The following KCND2 variants were observed in gnomAD, a reference collection of about 807,000 sequenced individuals.
KCND2 encodes the protein A-type voltage-gated potassium channel KCND2.
KCND2 carries 16 observed loss-of-function variants against 54.4 expected under a neutral mutation model. The ratio of observed to expected loss-of-function variants is 0.29; its 90% CI spans 0.20 to 0.45. The LOEUF is 0.45. KCND2 is among the 20% of genes least tolerant of loss of function. The pLI, the probability that KCND2 is intolerant of heterozygous loss-of-function variation, is 1.00. For missense variants in KCND2, 486 were observed against 824.2 expected, an observed-to-expected ratio of 0.59 and a Z score of 5.02; for synonymous variants, 317 against 310.7, an observed-to-expected ratio of 1.02 and a Z score of -0.21.
At chr7:120,367,538 A>T (rs943808078) in intron 1 of KCND2, among the ~76,000 whole-genome samples, 6 of 151,604 alleles carry the variant, frequency 4.0e-5, no homozygotes. Context: ...GAGTGCCTCT[A>T]TGGGAAATTT....
chr7:120,608,470 C>A (rs979336090), intron 1 of KCND2, among the ~76,000 whole-genome samples: 1 of 152,104 alleles, frequency 6.6e-6, no homozygotes, highest in Non-Finnish European at 1.5e-5. Flanking sequence ...TTGGTTATGG[C>A]ACCTTCTTCC....
chr7:120,479,469 A>C (rs540182884), intron 1 of KCND2, among the ~76,000 whole-genome samples: 1 of 152,018 alleles, frequency 6.6e-6, no homozygotes, highest in Middle Eastern at 3.4e-3. Context: ...ATGTTTATAA[A>C]ATTTCAGCTT....
chr7:120,668,939 T>A (rs1044657562), intron 1 of KCND2, among the ~76,000 whole-genome samples: 1 of 152,062 alleles, frequency 6.6e-6, no homozygotes, highest in African/African-American at 2.4e-5. Flanking sequence ...CTTTAAAAAA[T>A]GTTTTACAGA....
intron 1 of KCND2, among the ~76,000 whole-genome samples, chr7:120,723,709 A>G (rs2116113063): frequency 6.6e-6 from 1 of 152,270 alleles, no homozygotes; most frequent in Non-Finnish European, 1.5e-5. Flanking sequence ...AGTCTGGGCA[A>G]CATAGTGAGA....
At chr7:120,346,055 T>G (rs1584740173) in intron 1 of KCND2, among the ~76,000 whole-genome samples, 1 of 152,174 alleles carries the variant, frequency 6.6e-6, no homozygotes, top group Admixed American at 6.5e-5. Flanking sequence ...TAAGATGATA[T>G]CTCATTATGG....
intron 1 of KCND2, among the ~76,000 whole-genome samples, chr7:120,722,369 T>C (rs145270648): frequency 3.0e-4 from 45 of 152,212 alleles, no homozygotes; most frequent in African/African-American, 1.1e-3. Context: ...ACAGGAGTAA[T>C]ATGGGCATGG....
chr7:120,520,212 A>T (rs1304045648), intron 1 of KCND2, among the ~76,000 whole-genome samples: 1 of 152,252 alleles, frequency 6.6e-6, no homozygotes, highest in East Asian at 1.9e-4. Context: ...TATAAGTAGC[A>T]GTGGATAAGG....
chr7:120,657,536 C>A (rs2116554658), intron 1 of KCND2, among the ~76,000 whole-genome samples: 1 of 152,130 alleles, frequency 6.6e-6, no homozygotes, highest in Admixed American at 6.6e-5. Context: ...ATAGCCTTAT[C>A]CGTAGGGCCT....
intron 1 of KCND2, among the ~76,000 whole-genome samples, chr7:120,722,302 A>G (rs2116108265): frequency 6.6e-6 from 1 of 152,232 alleles, no homozygotes; most frequent in South Asian, 2.1e-4. Flanking sequence ...GGCCTTTCTG[A>G]GTGAGAACAC....
intron 1 of KCND2, among the ~76,000 whole-genome samples, chr7:120,462,661 A>C (rs1309330038): frequency 6.6e-6 from 1 of 152,000 alleles, no homozygotes; most frequent in African/African-American, 2.4e-5. Context: ...CTTGGCTGAA[A>C]TAATCATTTA....
At chr7:120,315,735 C>T (rs941075005) in intron 1 of KCND2, among the ~76,000 whole-genome samples, 3 of 150,132 alleles carry the variant, frequency 2.0e-5, no homozygotes, top group Non-Finnish European at 4.4e-5. Context: ...AGCAGTGAGA[C>T]ACGAAATGTT....
chr7:120,606,692 T>G (rs1446435337), intron 1 of KCND2, among the ~76,000 whole-genome samples: 1 of 152,050 alleles, frequency 6.6e-6, no homozygotes, highest in East Asian at 1.9e-4. Flanking sequence ...AGGGCTTATT[T>G]CTGAACTTTT....
intron 1 of KCND2, among the ~76,000 whole-genome samples, chr7:120,309,555 A>G (rs1265275512): frequency 7.4e-6 from 1 of 135,932 alleles, no homozygotes; most frequent in Non-Finnish European, 1.5e-5. Flanking sequence ...CCACAGACAC[A>G]CACACACACA....
intron 1 of KCND2, among the ~76,000 whole-genome samples, chr7:120,351,452 A>G (rs889960496): frequency 6.8e-6 from 1 of 147,252 alleles, no homozygotes; most frequent in East Asian, 2.0e-4. Context: ...CAAGGTTATA[A>G]TCATTACAGG....
At chr7:120,428,282 T>G (rs897371206) in intron 1 of KCND2, among the ~76,000 whole-genome samples, 1 of 152,170 alleles carries the variant, frequency 6.6e-6, no homozygotes, top group Non-Finnish European at 1.5e-5. Context: ...AGATCTAACA[T>G]GAGCCAAATG....
At chr7:120,378,375 A>G (rs1445119127) in intron 1 of KCND2, among the ~76,000 whole-genome samples, 1 of 151,964 alleles carries the variant, frequency 6.6e-6, no homozygotes, top group African/African-American at 2.4e-5. Flanking sequence ...ATTTTACACC[A>G]GGAATCACAA....
intron 1 of KCND2, among the ~76,000 whole-genome samples, chr7:120,526,121 T>C (rs955265261): frequency 6.6e-6 from 1 of 152,180 alleles, no homozygotes; most frequent in African/African-American, 2.4e-5. Context: ...TCAGGTTCTT[T>C]AGTATGCTGA....
At chr7:120,622,051 A>T (rs1793105954) in intron 1 of KCND2, among the ~76,000 whole-genome samples, 1 of 151,886 alleles carries the variant, frequency 6.6e-6, no homozygotes, top group African/African-American at 2.4e-5. Context: ...AATTCACTAG[A>T]ATCTGACCAA....
At chr7:120,340,298 G>T (rs1800222478) in intron 1 of KCND2, among the ~76,000 whole-genome samples, 1 of 152,204 alleles carries the variant, frequency 6.6e-6, no homozygotes, top group South Asian at 2.1e-4. Flanking sequence ...TATATGTAAA[G>T]ATATTACAAT....
Sources: allele counts gnomAD v4.1 joint callset (sites outside exome capture counted in the v4.1 genomes callset), GRCh38; gene constraint gnomAD v4.1.1; transcripts MANE v1.5; gene names NCBI Gene and HGNC (gene_info 2026-07-23, HGNC 2026-07-21).